Variants in ASB15 observed in about 807,000 individuals in gnomAD.
ASB15 encodes ankyrin repeat and SOCS box containing 15, also known as ankyrin repeat and SOCS box protein 15.
In ASB15, 54 loss-of-function variants were observed where a neutral mutation model predicts 58.0. The observed-to-expected ratio is 0.93, with a 90% CI of 0.75 to 1.17. ASB15 has a LOEUF of 1.17. ASB15 is among the 50% of genes most tolerant of loss of function. ASB15 has a pLI of 0.00. For synonymous variants in ASB15, 249 were observed against 262.4 expected, an observed-to-expected ratio of 0.95 and a Z score of 0.50; for missense variants, 680 against 707.4, an observed-to-expected ratio of 0.96 and a Z score of 0.44.
chr7:123,616,598 G>T, intron 6 of ASB15, 103 bp downstream of exon 6: 1 of 1,257,988 alleles, frequency 7.9e-7, no homozygotes, highest in Non-Finnish European at 1.1e-6. Context: ...AGAAAAGGCA[G>T]ATTAAAATAT....
At chr7:123,624,132 C>A (rs1801606414) in intron 7 of ASB15, among the ~76,000 whole-genome samples, 1 of 152,000 alleles carries the variant, frequency 6.6e-6, no homozygotes, top group Non-Finnish European at 1.5e-5. Flanking sequence ...GTTCCTGGGT[C>A]CTAGGAGTGA....
chr7:123,576,821 CT>C (rs1307577958), intron 1 of ASB15, among the ~76,000 whole-genome samples: 1 of 152,158 alleles, frequency 6.6e-6, no homozygotes, highest in Non-Finnish European at 1.5e-5. Flanking sequence ...CCACTCTGTA[CT>C]TTTACTAGTC....
At chr7:123,594,169 T>C (rs1799626812) in intron 1 of ASB15, among the ~76,000 whole-genome samples, 1 of 152,102 alleles carries the variant, frequency 6.6e-6, no homozygotes, top group African/African-American at 2.4e-5. Flanking sequence ...TATTCTAGTT[T>C]GCCATTCCTC....
At chr7:123,626,445 C>G (rs1188601434) in intron 8 of ASB15, among the ~76,000 whole-genome samples, 3 of 152,066 alleles carry the variant, frequency 2.0e-5, no homozygotes. Context: ...GCACTCCAGC[C>G]TGGTCGACAG....
At chr7:123,586,176 C>T (rs575995422) in intron 1 of ASB15, among the ~76,000 whole-genome samples, 2 of 151,882 alleles carry the variant, frequency 1.3e-5, no homozygotes, top group East Asian at 1.9e-4. Flanking sequence ...AATGGCTGTA[C>T]GAATTTACTT....
intron 7 of ASB15, among the ~76,000 whole-genome samples, chr7:123,619,179 CAAAAAAAAAAAAAA>C (rs528943780): frequency 1.8e-5 from 1 of 55,254 alleles, no homozygotes; most frequent in African/African-American, 8.6e-5. Flanking sequence ...GACGCCGTCT[CAAAAAAAAAAAAAA>C]AAAAAAAAAA....
intron 6 of ASB15, 94 bp downstream of exon 6, chr7:123,616,589 G>T (rs6963354): frequency 0.55 from 718,888 of 1,310,312 alleles, 198,885 homozygotes; most frequent in East Asian, 0.67. Flanking sequence ...CTAGCAGAAA[G>T]AAAAGGCAGA....
In ASB15 at chr7:123,624,819, G is replaced by C. The variant is rs759623227; in HGVS notation, c.697+5G>C. ...TAGAACATCTAATCCACAAAGGTATGTGAAAAGGAGTTACACTTCCTGACT... is the reference window on the plus strand; with the variant it reads ...TAGAACATCTAATCCACAAAGGTATCTGAAAAGGAGTTACACTTCCTGACT... On this transcript the variant is annotated splice_donor_5th_base_variant and intron_variant, in intron 8 of 11. Transcript: ENST00000451215. 1 of 1,612,262 alleles carries C rather than the reference G, an allele frequency of 6.2e-7. No homozygotes were observed. Among genetic ancestry groups the C allele is most frequent in the Non-Finnish European group, 8.5e-7 (1 of 1,178,932 alleles).
chr7:123,591,659 GTGGTGGATA>G, intron 1 of ASB15, among the ~76,000 whole-genome samples: 1 of 152,052 alleles, frequency 6.6e-6, no homozygotes, highest in South Asian at 2.1e-4. Context: ...CAACTTGATC[GTGGTGGATA>G]TGCTTTTTGA....
chr7:123,614,554 C>T lies in ASB15; in HGVS notation c.52C>T (p.Gln18Ter), dbSNP rs1172401698. ...DEDHLTSYDI[Q>*]LSIQESIEAS... is the part of the protein sequence containing the mutation. ...AGACCATCTTACAAGTTATGATATT[C>T]AGCTAAGTATTCAAGAATCCATTGA... is the stretch of plus-strand genomic sequence containing the variant. Residue 18 changes from glutamine to a stop codon, truncating the protein, a stop_gained, in exon 4 of 12, where the codon CAG (glutamine) becomes TAG (stop). Coordinates refer to ENST00000451215, the MANE Select transcript of ASB15 (RefSeq NM_001290258.2). LOFTEE classifies it high-confidence loss of function. The T allele has an allele frequency of 6.2e-7, 1 of 1,611,594 alleles. No homozygotes were observed. Among genetic ancestry groups the T allele is most frequent in the East Asian group, 2.2e-5 (1 of 44,794 alleles).
chr7:123,594,443 G>A (rs1278533815), intron 1 of ASB15, among the ~76,000 whole-genome samples: 1 of 152,114 alleles, frequency 6.6e-6, no homozygotes, highest in Non-Finnish European at 1.5e-5. Flanking sequence ...TTTGTTGTTG[G>A]TGACCTACGT....
At chr7:123,605,147 A>T (rs1328488080) in intron 2 of ASB15, among the ~76,000 whole-genome samples, 7 of 152,232 alleles carry the variant, frequency 4.6e-5, no homozygotes, top group Admixed American at 4.6e-4. Context: ...AAAATACATT[A>T]TGCCAGGAAT....
chr7:123,584,455 A>G (rs770835574), intron 1 of ASB15, among the ~76,000 whole-genome samples: 3 of 151,960 alleles, frequency 2.0e-5, no homozygotes, highest in Non-Finnish European at 4.4e-5. Flanking sequence ...AAACCTAAGA[A>G]CAACTGCTCT....
chr7:123,589,709 C>G (rs894974530), intron 1 of ASB15, among the ~76,000 whole-genome samples: 1 of 152,044 alleles, frequency 6.6e-6, no homozygotes, highest in Non-Finnish European at 1.5e-5. Context: ...TTTTCTTTAT[C>G]CAGTCTAATA....
intron 1 of ASB15, among the ~76,000 whole-genome samples, chr7:123,585,527 G>A (rs959688489): frequency 6.6e-5 from 10 of 151,654 alleles, no homozygotes; most frequent in Admixed American, 2.0e-4. Context: ...TAAATAAAAC[G>A]TGTATATACA....
intron 1 of ASB15, among the ~76,000 whole-genome samples, chr7:123,588,116 T>C (rs1584737604): frequency 6.6e-6 from 1 of 151,956 alleles, no homozygotes; most frequent in South Asian, 2.1e-4. Context: ...TTGGAATTAA[T>C]GCTTTAAGTG....
intron 7 of ASB15, among the ~76,000 whole-genome samples, chr7:123,619,175 G>A (rs1250456551): frequency 3.7e-5 from 3 of 81,940 alleles, no homozygotes; most frequent in Admixed American, 2.0e-4. Context: ...GAGAGACGCC[G>A]TCTCAAAAAA....
At chr7:123,617,515 G>C (rs754985132) in intron 6 of ASB15, 64 bp from the exon 7 acceptor site, 41 of 1,412,112 alleles carry the variant, frequency 2.9e-5, no homozygotes, top group Admixed American at 5.9e-5. Context: ...GGATTGCTCT[G>C]ATTTGTGTAA....
rs770552026 is a variant in ASB15 at position 123,624,559 on chromosome 7, C to A, written c.452-10C>A. 2 of 1,607,952 alleles carry A rather than the reference C, an allele frequency of 1.2e-6. No individual in the cohort carries two copies. The highest frequency in any genetic ancestry group is 2.2e-5 in the East Asian group (1 of 44,848). On this transcript the variant is annotated splice_polypyrimidine_tract_variant and intron_variant, in intron 7 of 11. Transcript: ENST00000451215. ...TATACTTACTGTTGTTTTTAACAAT[C>A]ATTTTCAAGCTGTGAAAAAGGGCTC...
Sources: gnomAD v4.1 joint callset for allele counts (sites outside exome capture counted in the v4.1 genomes callset) on GRCh38, gnomAD v4.1.1 for gene constraint, MANE v1.5 for transcripts, NCBI Gene and HGNC (gene_info 2026-07-23, HGNC 2026-07-21) for gene names.